Variants in SORCS2 observed in about 807,000 individuals in gnomAD.
SORCS2 encodes the protein sortilin related VPS10 domain containing receptor 2.
Under a neutral mutation model 141.6 loss-of-function variants are expected in SORCS2, and 100 were observed. The ratio of observed to expected loss-of-function variants is 0.71; its 90% CI spans 0.60 to 0.83. The LOEUF (loss-of-function observed/expected upper bound fraction) is 0.83. SORCS2 is among the 40% of genes least tolerant of loss of function. The pLI, the probability that SORCS2 is intolerant of heterozygous loss-of-function variation, is 0.00. For missense variants in SORCS2, 1,646 were observed against 1,560.2 expected (o/e 1.05, Z -0.93); for synonymous variants, 789 against 676.9 (o/e 1.17, Z -2.57).
chr4:7,620,758 A>G (rs1299799427), intron 3 of SORCS2, among the ~76,000 whole-genome samples: 1 of 151,926 alleles, frequency 6.6e-6, no homozygotes, highest in Non-Finnish European at 1.5e-5. Flanking sequence ...CAGACTAGAA[A>G]CTGAAGCTGA....
intron 5 of SORCS2, among the ~76,000 whole-genome samples, chr4:7,656,009 C>G (rs537848103): frequency 1.5e-3 from 227 of 152,354 alleles, no homozygotes; most frequent in African/African-American, 4.8e-3. Context: ...CACTGACCAC[C>G]ACGGCCCCGG....
At chr4:7,336,419 G>A (rs1014250520) in intron 1 of SORCS2, among the ~76,000 whole-genome samples, 1 of 151,968 alleles carries the variant, frequency 6.6e-6, no homozygotes, top group East Asian at 1.9e-4. Context: ...AGATCAATGC[G>A]AACAGATGGA....
chr4:7,584,098 T>A (rs1716369259), intron 3 of SORCS2, among the ~76,000 whole-genome samples: 1 of 152,256 alleles, frequency 6.6e-6, no homozygotes, highest in Non-Finnish European at 1.5e-5. Context: ...GGACAGCATC[T>A]TCGTCTTCAT....
intron 2 of SORCS2, among the ~76,000 whole-genome samples, chr4:7,477,352 C>T (rs895526295): frequency 1.2e-4 from 17 of 145,432 alleles, no homozygotes; most frequent in African/African-American, 4.2e-4. Context: ...CTGACCACAG[C>T]TGACTGGGGC....
intron 2 of SORCS2, among the ~76,000 whole-genome samples, chr4:7,496,661 C>A (rs1464647523): frequency 2.0e-5 from 3 of 152,018 alleles, no homozygotes; most frequent in African/African-American, 2.4e-5. Flanking sequence ...AGGACAGTTT[C>A]TAAATTTATA....
intron 3 of SORCS2, among the ~76,000 whole-genome samples, chr4:7,556,968 C>T (rs1191371492): frequency 7.1e-6 from 1 of 141,692 alleles, no homozygotes; most frequent in Non-Finnish European, 1.5e-5. Flanking sequence ...TCCATTCATC[C>T]AACCACCCAC....
intron 2 of SORCS2, among the ~76,000 whole-genome samples, chr4:7,429,938 C>A (rs10021616): frequency 0.68 from 103,574 of 152,148 alleles, 35,706 homozygotes; most frequent in African/African-American, 0.79. Context: ...GGAAGCCAGC[C>A]CAGCTCCTGG....
At chr4:7,644,404 C>G (rs906517945) in intron 4 of SORCS2, among the ~76,000 whole-genome samples, 2 of 152,326 alleles carry the variant, frequency 1.3e-5, no homozygotes, top group East Asian at 3.9e-4. Flanking sequence ...GCACCATGTC[C>G]TGTGACCTTG....
chr4:7,432,270 T>A (rs1424436802), intron 2 of SORCS2: 1 of 152,070 alleles, frequency 6.6e-6, no homozygotes, highest in Non-Finnish European at 1.5e-5. Context: ...TGGAGAACGC[T>A]TGTGGTTTAT....
intron 1 of SORCS2, among the ~76,000 whole-genome samples, chr4:7,323,136 A>G (rs1163563069): frequency 6.6e-6 from 1 of 152,252 alleles, no homozygotes; most frequent in African/African-American, 2.4e-5. Context: ...CCAGTTTTGC[A>G]AATGGCCTTA....
chr4:7,602,310 C>T lies in SORCS2; in HGVS notation c.649-36018C>T, dbSNP rs892124326. Among the ~76,000 whole-genome samples, 3 of 151,826 alleles carry T rather than the reference C, an allele frequency of 2.0e-5. No homozygotes were observed. In the South Asian group the frequency reaches 6.3e-4, roughly 32 times the overall value. On this transcript the variant is annotated intron_variant, in intron 3 of 26. Coordinates refer to ENST00000507866, the MANE Select transcript of SORCS2 (RefSeq NM_020777.3). The stretch of plus-strand genomic sequence containing the variant: ...CTGGCCGGGCGGGGGCTGTCCCCCA[C>T]CTCCTGGAGGGGGCGGCTGCTGGGC...
intron 25 of SORCS2, among the ~76,000 whole-genome samples, chr4:7,736,811 C>T (rs527521135): frequency 6.6e-6 from 1 of 152,204 alleles, no homozygotes; most frequent in East Asian, 1.9e-4. Flanking sequence ...ATGACAGATA[C>T]ACAGTGATCA....
chr4:7,581,013 A>G (rs957289990), intron 3 of SORCS2, among the ~76,000 whole-genome samples: 1 of 152,184 alleles, frequency 6.6e-6, no homozygotes, highest in Non-Finnish European at 1.5e-5. Flanking sequence ...GGAAGACATG[A>G]TGTCATCATT....
chr4:7,653,129 C>T (rs1425492977), intron 4 of SORCS2, among the ~76,000 whole-genome samples: 1 of 152,238 alleles, frequency 6.6e-6, no homozygotes, highest in East Asian at 1.9e-4. Context: ...GGACCACAGG[C>T]ACAGGCAGCT....
chr4:7,724,115 A>ATAG (rs1726800080), intron 19 of SORCS2, among the ~76,000 whole-genome samples: 1 of 145,112 alleles, frequency 6.9e-6, no homozygotes, highest in East Asian at 2.2e-4. Flanking sequence ...AGTGGTGGTG[A>ATAG]TGGTGGTGGT....
intron 17 of SORCS2, 82 bp downstream of exon 17, chr4:7,715,393 G>C: frequency 6.4e-7 from 1 of 1,564,380 alleles, no homozygotes; most frequent in Non-Finnish European, 8.7e-7. Flanking sequence ...CTTCCTGGCT[G>C]GTGCCTGCAG....
chr4:7,723,881 A>C lies in SORCS2; in HGVS notation c.2609A>C (p.Asn870Thr), dbSNP rs202095310. 5.3e-5 allele frequency: 85 copies of C among 1,600,694 alleles called. No individual in the cohort carries two copies. In the African/African-American group the frequency reaches 1.1e-3, roughly 20 times the overall value. ...GAGGCGGTGCTCTTTGTCCAGGTCAACTGTAAGTTTATTGCCCCTTTGAGG... is the reference window on the plus strand; with the variant it reads ...GAGGCGGTGCTCTTTGTCCAGGTCACCTGTAAGTTTATTGCCCCTTTGAGG... The part of the protein sequence containing the change: ...HDEAVLFVQV[N>T]SPLQALYLEV... The change falls in exon 19 of 27, where the codon AAC (asparagine) becomes ACC (threonine). Residue 870 changes from asparagine to threonine, a missense_variant and splice_region_variant. Physicochemically the swap from Asn to Thr is moderately conservative, Grantham distance 65 (BLOSUM62 0). Coordinates refer to ENST00000507866, the MANE Select transcript of SORCS2 (RefSeq NM_020777.3).
At chr4:7,532,763 G>C (rs928426298) in intron 3 of SORCS2, among the ~76,000 whole-genome samples, 4 of 142,058 alleles carry the variant, frequency 2.8e-5, no homozygotes, top group African/African-American at 1.1e-4. Flanking sequence ...AGCCACGTTT[G>C]TTCATGGGAT....
rs1488469784 is a variant in SORCS2, at chr4:7,324,289, C to T, written c.481-71999C>T. On this transcript the variant is annotated intron_variant, in intron 1 of 26. Transcript: ENST00000507866. ...ACGTAGCTGGTGGTGAGGCAGGTGG[C>T]TGCAGGGAGCTGAGACAGGGCTGCA... Among the ~76,000 whole-genome samples the T allele has an allele frequency of 3.3e-5, 5 of 152,220 alleles. No homozygotes were observed. In the East Asian group the frequency reaches 9.6e-4, roughly 29 times the overall value.
Sources: allele counts gnomAD v4.1 joint callset (sites outside exome capture counted in the v4.1 genomes callset), GRCh38; gene constraint gnomAD v4.1.1; transcripts MANE v1.5; gene names NCBI Gene and HGNC (gene_info 2026-07-23, HGNC 2026-07-21).